The following USP6 variants were observed in gnomAD, a reference collection of about 807,000 sequenced individuals.
The protein encoded by USP6 is ubiquitin specific peptidase 6, also known as ubiquitin carboxyl-terminal hydrolase 6.
In USP6, 128 loss-of-function variants were observed where a neutral mutation model predicts 175.7. The observed-to-expected ratio is 0.73, with a 90% confidence interval of 0.63 to 0.84. The LOEUF (loss-of-function observed/expected upper bound fraction) is 0.84. Ranked by LOEUF, USP6 falls within the 40% of genes least tolerant of loss-of-function variation. The pLI is 0.00. For missense variants in USP6, 1,498 were observed against 1,760.3 expected (o/e 0.85, Z 2.67); for synonymous variants, 562 against 630.6 (o/e 0.89, Z 1.63).
chr17:5,131,179 G>C (rs1381311338), intron 11 of USP6, among the ~76,000 whole-genome samples: 1 of 152,062 alleles, frequency 6.6e-6, no homozygotes, highest in East Asian at 1.9e-4. Context: ...TGTGGGGACA[G>C]TGGGGGCTTT....
chr17:5,146,111 G>A lies in USP6; in HGVS notation c.2256G>A (p.Arg752=), dbSNP rs1371456760. 6.2e-7 allele frequency: 1 copy of A among 1,613,030 alleles called. No individual in the cohort carries two copies. The change falls in exon 28 of 38, where the codon AGG becomes AGA. Residue 752 remains arginine, a synonymous_variant. Coordinates refer to ENST00000574788, the MANE Select transcript of USP6 (RefSeq NM_001304284.2). ...EKYTGLKKQL[R]DLCGLNSEQI... The stretch of plus-strand genomic sequence containing the variant: ...ACACAGGTTTAAAAAAACAGCTGAG[G>A]GATCTCTGTGGACTTAATTCAGAAC...
intron 31 of USP6, among the ~76,000 whole-genome samples, chr17:5,159,387 C>G (rs1320812891): frequency 6.6e-6 from 1 of 151,996 alleles, no homozygotes; most frequent in Non-Finnish European, 1.5e-5. Context: ...AGAGAGAAGA[C>G]CAAGTTACTG....
At chr17:5,143,187 C>T (rs1029916027) in intron 25 of USP6, among the ~76,000 whole-genome samples, 47 of 152,316 alleles carry the variant, frequency 3.1e-4, no homozygotes, top group African/African-American at 1.1e-3. Flanking sequence ...AGGGGCGCCT[C>T]TGCCTGGCCG....
chr17:5,116,138 G>A lies in USP6; in HGVS notation c.-2530G>A, dbSNP rs182177610. The stretch of plus-strand genomic sequence containing the variant: ...GCGCCCATCAGTCTTCCCCTCACTC[G>A]ACGCTACCTTGGCGGCCGCGCCCAT... On this transcript the variant is annotated 5_prime_UTR_variant, in exon 1 of 38. Transcript: ENST00000574788. Among the ~76,000 whole-genome samples, 425 of 152,316 alleles carry A rather than the reference G, an allele frequency of 2.8e-3. 2 individuals are homozygous for A. The highest frequency in any genetic ancestry group is 5.0e-3 in the Non-Finnish European group (337 of 68,014).
At chr17:5,150,782 T>G in intron 30 of USP6, among the ~76,000 whole-genome samples, 1 of 152,130 alleles carries the variant, frequency 6.6e-6, no homozygotes, top group South Asian at 2.1e-4. Flanking sequence ...TGTGAACCAC[T>G]GCACCCAGCC....
Position 5,135,851 on chromosome 17 carries a change from T to C in USP6, c.587T>C (p.Phe196Ser). The change falls in exon 17 of 38, where the codon TTC (phenylalanine) becomes TCC (serine). Residue 196 changes from phenylalanine to serine, a missense_variant. Around this residue, in one of 2 missense-constraint regions of USP6, gnomAD observed 281 missense variants for 259.6 expected, o/e 1.08. Coordinates refer to ENST00000574788, the MANE Select transcript of USP6 (RefSeq NM_001304284.2). ...CRDLSHITAL[F>S]LLYLPEEDAF... is the part of the protein sequence containing the mutation. ...GACCTGAGCCACATCACCGCCTTGT[T>C]CCTCCTTTATCTGCCTGAGGAGGAC... 1 of 1,599,308 alleles carries C rather than the reference T, an allele frequency of 6.3e-7. No individual in the cohort carries two copies.
intron 4 of USP6, among the ~76,000 whole-genome samples, chr17:5,123,544 G>A (rs1249148775): frequency 1.3e-5 from 2 of 152,112 alleles, no homozygotes; most frequent in African/African-American, 4.8e-5. Flanking sequence ...GGAGAGAGCT[G>A]CGTGGGGCCA....
At chr17:5,127,466 A>T (rs1245470038) in intron 6 of USP6, 38 bp from the exon 7 acceptor site, 7 of 152,270 alleles carry the variant, frequency 4.6e-5, no homozygotes. Flanking sequence ...AAAACTGGAC[A>T]ACGTGAACTT....
chr17:5,161,390 A>G (rs1227920801), intron 31 of USP6, 138 bp from the exon 32 acceptor site: 1 of 787,976 alleles, frequency 1.3e-6, no homozygotes, highest in Admixed American at 2.4e-5. Flanking sequence ...GATTAGGGTA[A>G]GTAACATTGA....
intron 31 of USP6, among the ~76,000 whole-genome samples, chr17:5,155,863 A>T (rs79288495): frequency 0.017 from 2,581 of 152,318 alleles, 78 homozygotes; most frequent in African/African-American, 0.059. Flanking sequence ...TTTGCCAAAC[A>T]TTCTAGTGTC....
At chr17:5,123,221 TG>T (rs1418579675) in intron 4 of USP6, 1 of 53,274 alleles carries the variant, frequency 1.9e-5, no homozygotes, top group Non-Finnish European at 3.8e-5. Context: ...ATCTACTGGA[TG>T]GGGCGGGTGG....
chr17:5,152,345 A>C (rs2073792643), intron 30 of USP6, among the ~76,000 whole-genome samples: 1 of 152,242 alleles, frequency 6.6e-6, no homozygotes, highest in African/African-American at 2.4e-5. Context: ...AAAATTAAAC[A>C]GACTGACAGG....
chr17:5,132,947 T>A lies in USP6; in HGVS notation c.233T>A (p.Met78Lys). Residue 78 changes from methionine (M) to lysine (K), a missense_variant, in exon 13 of 38, where the codon ATG becomes AAG. Met to Lys is a moderately conservative substitution (Grantham distance 95). Transcript: ENST00000574788. The surrounding 1 kb of genome is among the most constrained non-coding windows in gnomAD (Gnocchi z 4.7). ...RREMTRTSKWMEMLGEWETYK... is the reference protein window; with the variant it reads ...RREMTRTSKWKEMLGEWETYK... ...GAGATGACACGAACGAGCAAGTGGA[T>A]GGAAATGCTGGGAGAATGGGAGACA... The A allele has an allele frequency of 6.2e-7, 1 of 1,613,908 alleles. No individual in the cohort carries two copies. The highest frequency in any genetic ancestry group is 2.2e-5 in the East Asian group (1 of 44,856).
intron 31 of USP6, among the ~76,000 whole-genome samples, chr17:5,156,622 G>A (rs937479616): frequency 6.6e-6 from 1 of 151,738 alleles, no homozygotes; most frequent in African/African-American, 2.4e-5. Context: ...TCATTTTCTT[G>A]CCATCATGGT....
chr17:5,136,760 T>C (rs2073268047), intron 18 of USP6, 26 bp downstream of exon 18: 1 of 1,609,746 alleles, frequency 6.2e-7, no homozygotes, highest in African/African-American at 1.3e-5. Context: ...CCTCGGCTCT[T>C]CTCAGAGGCC....
At position 5,135,927 on chromosome 17, in the gene USP6, A is replaced by G. The variant is rs1355560619; in HGVS notation, c.663A>G (p.Pro221=). 3 of 1,598,142 alleles carry G rather than the reference A, an allele frequency of 1.9e-6. No homozygotes were observed. The Admixed American group carries it at 5.0e-5, about 27-fold the overall frequency. ...QLLASERHSL[P]GFHSPNGGTV... is the part of the protein sequence containing the mutation. Reference sequence around the variant, plus strand: ...TGGCCAGTGAGAGGCACTCCCTGCCAGGTAGGTGAACAGCTGCCCGTGGGG... The same window carrying G: ...TGGCCAGTGAGAGGCACTCCCTGCCGGGTAGGTGAACAGCTGCCCGTGGGG... Residue 221 remains proline, a splice_region_variant and synonymous_variant, in exon 17 of 38, where the codon CCA becomes CCG. Transcript: ENST00000574788.
At chr17:5,157,018 C>G (rs2073899178) in intron 31 of USP6, among the ~76,000 whole-genome samples, 1 of 151,712 alleles carries the variant, frequency 6.6e-6, no homozygotes, top group South Asian at 2.1e-4. Context: ...GTGTGAGCCA[C>G]CACACCTGGC....
At position 5,167,890 on chromosome 17, in the gene USP6, C is replaced by T. The variant is rs1331016409; in HGVS notation, c.3037-42C>T. The T allele has an allele frequency of 1.9e-6, 3 of 1,578,238 alleles. No homozygotes were observed. The East Asian group carries it at 6.8e-5, about 36-fold the overall frequency. ...CATAGCTAGATCACCAGTTTAAATGCCTTCCCACACACCCCTTTCCTCCTG... is the reference window on the plus strand; with the variant it reads ...CATAGCTAGATCACCAGTTTAAATGTCTTCCCACACACCCCTTTCCTCCTG... On this transcript the variant is annotated intron_variant, in intron 33 of 37. Transcript: ENST00000574788.
In USP6 at chr17:5,155,480, T is replaced by C. The variant is rs1394709737; in HGVS notation, c.2702T>C (p.Met901Thr). Residue 901 changes from methionine to threonine, a missense_variant, in exon 31 of 38, where the codon ATG (methionine) becomes ACG (threonine). By Grantham distance (81) the Met-to-Thr change is moderately conservative. Transcript: ENST00000574788. ...GAGAATCGCCCCAGCCTCTTTGGAA[T>C]GCCATTGATTGTTCCATGCACTGTG... ...PQENRPSLFG[M>T]PLIVPCTVHT... The C allele has an allele frequency of 2.8e-5, 45 of 1,614,050 alleles. No individual in the cohort carries two copies. Among genetic ancestry groups the C allele is most frequent in the Non-Finnish European group, 3.6e-5 (42 of 1,180,026 alleles).
Sources: gnomAD v4.1 joint callset for allele counts (sites outside exome capture counted in the v4.1 genomes callset) on GRCh38, gnomAD v4.1.1 for gene constraint, gnomAD v4.1.1 regional missense constraint, Gnocchi (gnomAD v3.1) non-coding constraint, MANE v1.5 for transcripts, NCBI Gene and HGNC (gene_info 2026-07-23, HGNC 2026-07-21) for gene names.